The following ZP3 variants were observed in gnomAD, a reference collection of about 807,000 sequenced individuals.
ZP3 encodes zona pellucida sperm-binding protein 3.
ZP3 carries 21 observed loss-of-function variants against 35.6 expected under a neutral mutation model. That is an observed-to-expected ratio of 0.59 (90% CI 0.42 to 0.85). The LOEUF is 0.85. Among genes scored for constraint, ZP3 ranks in the 40% least tolerant of loss-of-function variants. ZP3 has a pLI of 0.00. For synonymous variants in ZP3, 207 were observed against 214.5 expected, an observed-to-expected ratio of 0.96 and a Z score of 0.31; for missense variants, 437 against 536.5, an observed-to-expected ratio of 0.81 and a Z score of 1.83.
At chr7:76,415,321 G>A (rs80033037) in intron 1 of ZP3, among the ~76,000 whole-genome samples, 9,981 of 129,440 alleles carry the variant, frequency 0.077, 971 homozygotes, top group African/African-American at 0.23. Flanking sequence ...AGCCGAGATC[G>A]CGCCACTGCA....
chr7:76,422,061 T>A (rs1322672469), upstream of ZP3, among the ~76,000 whole-genome samples: 1 of 152,030 alleles, frequency 6.6e-6, no homozygotes, highest in Non-Finnish European at 1.5e-5. Context: ...CACACCAGGC[T>A]AATTTTGTAT....
chr7:76,433,655 C>G lies in ZP3; in HGVS notation c.713+8C>G. Reference sequence around the variant, plus strand: ...CATCGTGGACTTCCATGGGTGAGCACTGGGCTCCCTGCCTAGAGAACCTTC... The same window carrying G: ...CATCGTGGACTTCCATGGGTGAGCAGTGGGCTCCCTGCCTAGAGAACCTTC... On this transcript the variant is annotated splice_region_variant and intron_variant, in intron 4 of 7. Transcript: ENST00000394857. 1 of 1,587,922 alleles carries G rather than the reference C, an allele frequency of 6.3e-7. No individual in the cohort carries two copies. The highest frequency in any genetic ancestry group is 8.6e-7 in the Non-Finnish European group (1 of 1,165,130).
chr7:76,400,455 G>A (rs1804782745), intron 1 of ZP3: 2 of 1,608,644 alleles, frequency 1.2e-6, no homozygotes, highest in Middle Eastern at 1.6e-4. Flanking sequence ...GCAGTGCCAG[G>A]CCACAGCCCA....
At chr7:76,428,889 T>G in intron 1 of ZP3, 1 of 151,272 alleles carries the variant, frequency 6.6e-6, no homozygotes, top group Non-Finnish European at 1.5e-5. Context: ...ACCATGTTGG[T>G]CAGGCTGGTC....
At chr7:76,424,934 A>G, upstream of ZP3, 1 of 1,491,996 alleles carries the variant, frequency 6.7e-7, no homozygotes, top group Non-Finnish European at 8.9e-7. Context: ...TAAGATGGCC[A>G]GAGGCGGCTG....
At chr7:76,434,867 G>C (rs1805942907) in intron 5 of ZP3, among the ~76,000 whole-genome samples, 1 of 150,190 alleles carries the variant, frequency 6.7e-6, no homozygotes, top group South Asian at 2.1e-4. Context: ...GCATTCTTAA[G>C]TGTTGGTTCT....
At chr7:76,398,054 A>AGGACTGGGAAG in intron 1 of ZP3, among the ~76,000 whole-genome samples, 1 of 152,216 alleles carries the variant, frequency 6.6e-6, no homozygotes, top group Admixed American at 6.5e-5. Flanking sequence ...GTCTCCTGGC[A>AGGACTGGGAAG]GCCTGGGACG....
At chr7:76,436,308 A>G (rs545698400) in intron 5 of ZP3, among the ~76,000 whole-genome samples, 1 of 152,018 alleles carries the variant, frequency 6.6e-6, no homozygotes, top group Non-Finnish European at 1.5e-5. Flanking sequence ...TGGCCTCCCA[A>G]AGTGCTGGGA....
chr7:76,427,495 A>C (rs544690269), intron 1 of ZP3, among the ~76,000 whole-genome samples: 3 of 147,768 alleles, frequency 2.0e-5, no homozygotes, highest in African/African-American at 7.6e-5. Context: ...CAGCCTGGGC[A>C]ACAGAGTGAG....
At chr7:76,404,833 C>G (rs55722505) in intron 1 of ZP3, among the ~76,000 whole-genome samples, 67,631 of 151,430 alleles carry the variant, frequency 0.45, 15,378 homozygotes, top group South Asian at 0.53. Flanking sequence ...ACTTTGGGAG[C>G]CTGAGGGAGG....
intron 1 of ZP3, chr7:76,397,804 GC>G (rs763665669): frequency 3.8e-6 from 6 of 1,598,262 alleles, no homozygotes; most frequent in Admixed American, 1.7e-5. Flanking sequence ...ACAGGTTCGC[GC>G]CCCCTACCAG....
At chr7:76,421,953 G>A (rs1165718610), upstream of ZP3, among the ~76,000 whole-genome samples, 3 of 152,012 alleles carry the variant, frequency 2.0e-5, no homozygotes, top group Non-Finnish European at 4.4e-5. Context: ...CTGGAGTACA[G>A]CGGCGTGATC....
At chr7:76,404,258 C>T in intron 1 of ZP3, 1 of 1,492,552 alleles carries the variant, frequency 6.7e-7, no homozygotes, top group Non-Finnish European at 8.9e-7. Context: ...GCTGGGACAA[C>T]TGAGATTCAG....
Position 76,440,312 on chromosome 7 carries a change from G to A in ZP3, c.894G>A (p.Lys298=), listed in dbSNP as rs73363163. ...LAEQDPDELN[K]ACSFSKPSNS... ...AGCAGGACCCAGATGAACTCAACAA[G>A]GCCTGTTCCTTCAGCAAGCCTTCCA... The change falls in exon 6 of 8, where the codon AAG becomes AAA. Residue 298 remains lysine, a synonymous_variant. Coordinates refer to ENST00000394857, the MANE Select transcript of ZP3 (RefSeq NM_001110354.2). 311,555 of 1,557,108 alleles carry A rather than the reference G, an allele frequency of 0.2. 500 individuals are homozygous for A. The highest frequency in any genetic ancestry group is 0.26 in the Middle Eastern group (1,498 of 5,818).
At chr7:76,424,720 T>C (rs1467634785), upstream of ZP3, among the ~76,000 whole-genome samples, 19 of 151,416 alleles carry the variant, frequency 1.3e-4, no homozygotes, top group Admixed American at 1.1e-3. Context: ...TGGATACACG[T>C]GGGGGATTTC....
chr7:76,402,868 T>C (rs1215405682), intron 1 of ZP3, among the ~76,000 whole-genome samples: 1 of 152,130 alleles, frequency 6.6e-6, no homozygotes, highest in Non-Finnish European at 1.5e-5. Context: ...GGTTTCTGCA[T>C]GTTGGTCAGG....
chr7:76,415,111 C>T (rs891028217), intron 1 of ZP3, among the ~76,000 whole-genome samples: 2 of 151,472 alleles, frequency 1.3e-5, no homozygotes, highest in African/African-American at 4.8e-5. Context: ...CGCGGTGGCT[C>T]ATGCCTGTAA....
At chr7:76,403,650 T>C (rs893761634) in intron 1 of ZP3, among the ~76,000 whole-genome samples, 1 of 150,330 alleles carries the variant, frequency 6.7e-6, no homozygotes, top group African/African-American at 2.5e-5. Flanking sequence ...CAACTTATTC[T>C]TATTTATTTA....
Position 76,441,839 on chromosome 7 carries a change from C to T in ZP3, c.1061-3C>T, listed in dbSNP as rs1806209251. The T allele has an allele frequency of 1.2e-6, 2 of 1,613,650 alleles. No homozygotes were observed. Among genetic ancestry groups the T allele is most frequent in the South Asian group, 1.1e-5 (1 of 91,054 alleles). On this transcript the variant is annotated splice_polypyrimidine_tract_variant and splice_region_variant and intron_variant, in intron 7 of 7. Transcript: ENST00000394857. ...CCCTTGGTTGTGTGTTCTCCTTTCA[C>T]AGTGACAGAAGAAGCAGATGTCACC...
Sources: allele counts gnomAD v4.1 joint callset (sites outside exome capture counted in the v4.1 genomes callset), GRCh38; gene constraint gnomAD v4.1.1; transcripts MANE v1.5; gene names NCBI Gene and HGNC (gene_info 2026-07-23, HGNC 2026-07-21).